Variants in HCN1 observed in about 807,000 individuals in gnomAD.
HCN1 encodes hyperpolarization activated cyclic nucleotide gated potassium channel 1, also known as potassium/sodium hyperpolarization-activated cyclic nucleotide-gated channel 1.
Under a neutral mutation model 78.9 loss-of-function variants are expected in HCN1, and 13 were observed. The ratio of observed to expected loss-of-function variants is 0.16; its 90% confidence interval spans 0.11 to 0.26. The LOEUF is 0.26. Ranked by LOEUF, HCN1 falls within the 10% of genes least tolerant of loss-of-function variation. The probability of loss-of-function intolerance (pLI) is 1.00; values close to 1 mark genes in which losing one functional copy is unlikely to be tolerated. For missense variants in HCN1, 810 were observed against 1,154.3 expected (o/e 0.70, Z 4.32); for synonymous variants, 552 against 455.5 (o/e 1.21, Z -2.70).
At chr5:45,439,464 T>A (rs768980892) in intron 3 of HCN1, among the ~76,000 whole-genome samples, 1 of 152,214 alleles carries the variant, frequency 6.6e-6, no homozygotes, top group Non-Finnish European at 1.5e-5. Context: ...TAAGTTTTTA[T>A]CTTTTAGCAA....
At chr5:45,372,066 T>TATATATATAATATAATTATAA (rs1747389852) in intron 4 of HCN1, among the ~76,000 whole-genome samples, 1 of 45,916 alleles carries the variant, frequency 2.2e-5, no homozygotes, top group African/African-American at 1.4e-4. Context: ...ATAATTATAT[T>TATATATATAATATAATTATAA]ATATATTATA....
intron 2 of HCN1, among the ~76,000 whole-genome samples, chr5:45,490,730 C>A (rs1466060847): frequency 6.6e-6 from 1 of 152,120 alleles, no homozygotes; most frequent in Non-Finnish European, 1.5e-5. Flanking sequence ...TACATACCTA[C>A]CATGTACTCA....
intron 2 of HCN1, among the ~76,000 whole-genome samples, chr5:45,630,703 T>C (rs767145261): frequency 9.9e-5 from 15 of 152,220 alleles, no homozygotes; most frequent in Non-Finnish European, 2.2e-4. Context: ...TGTATTTCTT[T>C]GGCTTTCTTG....
At chr5:45,300,156 C>G (rs1357328754) in intron 6 of HCN1, among the ~76,000 whole-genome samples, 4 of 152,012 alleles carry the variant, frequency 2.6e-5, no homozygotes, top group African/African-American at 9.7e-5. Flanking sequence ...CAAATCCCAT[C>G]TTTGTGCATA....
intron 4 of HCN1, among the ~76,000 whole-genome samples, chr5:45,379,959 T>C (rs991685135): frequency 1.3e-5 from 2 of 151,998 alleles, no homozygotes; most frequent in South Asian, 4.1e-4. Context: ...ATATTTACGG[T>C]ACAGATATGT....
intron 2 of HCN1, among the ~76,000 whole-genome samples, chr5:45,524,836 G>A (rs918415983): frequency 6.6e-6 from 1 of 152,106 alleles, no homozygotes; most frequent in Non-Finnish European, 1.5e-5. Context: ...TTTCCTAATT[G>A]AATACCCTTT....
intron 2 of HCN1, among the ~76,000 whole-genome samples, chr5:45,512,605 T>C (rs1178122133): frequency 6.6e-6 from 1 of 152,112 alleles, no homozygotes; most frequent in East Asian, 1.9e-4. Context: ...TTTTTATTTA[T>C]TTATTTGTTG....
At chr5:45,557,128 A>G (rs1561200151) in intron 2 of HCN1, among the ~76,000 whole-genome samples, 2 of 152,136 alleles carry the variant, frequency 1.3e-5, no homozygotes, top group African/African-American at 4.8e-5. Flanking sequence ...CAATTAATGC[A>G]GAAATATCAA....
intron 3 of HCN1, among the ~76,000 whole-genome samples, chr5:45,414,397 CATCTT>C (rs1214111683): frequency 6.6e-6 from 1 of 152,020 alleles, no homozygotes; most frequent in African/African-American, 2.4e-5. Flanking sequence ...CTTGACTTCT[CATCTT>C]ATCTATATGG....
intron 2 of HCN1, among the ~76,000 whole-genome samples, chr5:45,573,186 A>C (rs1394151940): frequency 6.6e-6 from 1 of 152,164 alleles, no homozygotes; most frequent in Admixed American, 6.6e-5. Context: ...GCTTAAACAC[A>C]TTTAAAATTA....
At chr5:45,676,660 G>T (rs1746272631) in intron 1 of HCN1, among the ~76,000 whole-genome samples, 1 of 151,186 alleles carries the variant, frequency 6.6e-6, no homozygotes, top group Non-Finnish European at 1.5e-5. Flanking sequence ...GAGAATATTT[G>T]CAGTCTCAAG....
At chr5:45,597,342 GA>G (rs1464143774) in intron 2 of HCN1, among the ~76,000 whole-genome samples, 1 of 152,140 alleles carries the variant, frequency 6.6e-6, no homozygotes, top group Non-Finnish European at 1.5e-5. Context: ...AATAGATGCA[GA>G]AAAGGCCTTT....
intron 1 of HCN1, among the ~76,000 whole-genome samples, chr5:45,652,297 C>T (rs1363358230): frequency 5.3e-5 from 8 of 151,670 alleles, no homozygotes; most frequent in African/African-American, 9.7e-5. Context: ...TACAGCTGCT[C>T]ACCTCTCCTA....
intron 5 of HCN1, among the ~76,000 whole-genome samples, chr5:45,313,041 G>C (rs1307430972): frequency 6.6e-6 from 1 of 152,214 alleles, no homozygotes; most frequent in Non-Finnish European, 1.5e-5. Context: ...CATGGAGTTT[G>C]AGATCTGAGA....
At chr5:45,478,562 C>A (rs1741575006) in intron 2 of HCN1, among the ~76,000 whole-genome samples, 1 of 152,086 alleles carries the variant, frequency 6.6e-6, no homozygotes. Context: ...TGATAGTTAT[C>A]CGTACTAATT....
intron 1 of HCN1, among the ~76,000 whole-genome samples, chr5:45,660,319 G>A (rs1580028742): frequency 9.1e-6 from 1 of 109,558 alleles, no homozygotes; most frequent in Non-Finnish European, 1.8e-5. Flanking sequence ...AACATGGAAA[G>A]GAACAACCGG....
rs143574442 is a variant in HCN1 at position 45,397,929 on chromosome 5, T to C, written c.1012-1219A>G. ...ATGATTTAGTTGAAAATGACATTAG[T>C]TGCTCTTGGCTATTGGAAGATTACT... On this transcript the variant is annotated intron_variant, in intron 3 of 7. Coordinates refer to ENST00000303230, the MANE Select transcript of HCN1 (RefSeq NM_021072.4). 5.1e-3 allele frequency among the ~76,000 whole-genome samples: 769 copies of C among 151,734 alleles called. 4 individuals are homozygous for C. Among genetic ancestry groups the C allele is most frequent in the Non-Finnish European group, 7.3e-3 (496 of 67,802 alleles).
At chr5:45,453,322 A>G (rs918277895) in intron 3 of HCN1, among the ~76,000 whole-genome samples, 1 of 152,108 alleles carries the variant, frequency 6.6e-6, no homozygotes, top group Non-Finnish European at 1.5e-5. Flanking sequence ...TCCAATCTGC[A>G]TCAATTCAAA....
intron 1 of HCN1, among the ~76,000 whole-genome samples, chr5:45,653,965 G>T (rs1745723535): frequency 1.3e-5 from 2 of 152,014 alleles, no homozygotes; most frequent in Admixed American, 6.6e-5. Flanking sequence ...TCTTTTGGAT[G>T]ATTTCAAAAT....
Sources: allele counts gnomAD v4.1 joint callset (sites outside exome capture counted in the v4.1 genomes callset), GRCh38; gene constraint gnomAD v4.1.1; transcripts MANE v1.5; gene names NCBI Gene and HGNC (gene_info 2026-07-23, HGNC 2026-07-21).